NF1: variants seen among roughly 807,000 people sequenced by gnomAD.
NF1 encodes the protein neurofibromin 1, also known as neurofibromin.
A neutral mutation model predicts 325.7 loss-of-function variants in NF1; 122 were observed. The observed-to-expected ratio is 0.37, with a 90% CI of 0.32 to 0.44. NF1 has a LOEUF of 0.44. NF1 is among the 20% of genes least tolerant of loss of function. NF1 has a pLI of 1.00. For synonymous variants in NF1, 1,091 were observed against 1,186.0 expected (o/e 0.92, Z 1.65); for missense variants, 2,140 against 3,415.4 (o/e 0.63, Z 9.31).
intron 4 of NF1, among the ~76,000 whole-genome samples, chr17:31,165,086 A>G (rs971637228): frequency 2.0e-5 from 3 of 152,182 alleles, no homozygotes; most frequent in Non-Finnish European, 4.4e-5. Flanking sequence ...AAAAAACCCA[A>G]ATGTCTTGTA....
Position 31,349,221 on chromosome 17 carries a change from G to A in NF1, c.7291G>A (p.Val2431Met), listed in dbSNP as rs1597858560. 1 of 1,613,468 alleles carries A rather than the reference G, an allele frequency of 6.2e-7. No individual in the cohort carries two copies. The highest frequency in any genetic ancestry group is 8.5e-7 in the Non-Finnish European group (1 of 1,179,804). The change falls in exon 49 of 58, where the codon GTG (valine) becomes ATG (methionine). Residue 2431 changes from valine (V) to methionine (M), a missense_variant. Val to Met is a conservative substitution (Grantham distance 21). Coordinates refer to ENST00000358273, the MANE Select transcript of NF1 (RefSeq NM_001042492.3). ...ACACAGAAATTGTGACAAATTTGAAGTGAATACACAGAGCGTGGCCTACTT... is the reference window on the plus strand; with the variant it reads ...ACACAGAAATTGTGACAAATTTGAAATGAATACACAGAGCGTGGCCTACTT... ...NKHRNCDKFE[V>M]NTQSVAYLAA...
At chr17:31,327,873 G>A (rs2151542100) in intron 38 of NF1, 34 bp downstream of exon 38, 1 of 1,584,752 alleles carries the variant, frequency 6.3e-7, no homozygotes, top group Non-Finnish European at 8.7e-7. Context: ...AGTTTGATTT[G>A]GGGTTTGTTG....
At chr17:31,128,110 T>C (rs2143440570) in intron 1 of NF1, among the ~76,000 whole-genome samples, 1 of 151,340 alleles carries the variant, frequency 6.6e-6, no homozygotes, top group South Asian at 2.1e-4. Flanking sequence ...CCTGGCTGAT[T>C]TTTGTATTTT....
At chr17:31,212,300 G>T (rs2066742233) in intron 12 of NF1, among the ~76,000 whole-genome samples, 1 of 152,202 alleles carries the variant, frequency 6.6e-6, no homozygotes, top group South Asian at 2.1e-4. Flanking sequence ...AACGTGTGGA[G>T]CTGTCATCTC....
chr17:31,104,350 T>G, intron 1 of NF1, among the ~76,000 whole-genome samples: 1 of 151,978 alleles, frequency 6.6e-6, no homozygotes, highest in East Asian at 1.9e-4. Context: ...ATTTTGGAGG[T>G]GTGTGTGTAT....
At position 31,158,998 on chromosome 17, in the gene NF1, CT is replaced by C. The variant is rs2143645174; in HGVS notation, c.205-8del. ...AAACTAACTTTTATGTTCTGAATAT[CT>C]TTTCTGTTAGAGAATATTTGGAGAA... On this transcript the variant is annotated splice_polypyrimidine_tract_variant and intron_variant, in intron 2 of 57. Transcript: ENST00000358273. The C allele has an allele frequency of 6.7e-7, 1 of 1,503,394 alleles. No homozygotes were observed. Among genetic ancestry groups the C allele is most frequent in the Admixed American group, 1.7e-5 (1 of 59,772 alleles). The allele number at this position is 1,503,394 out of a possible 1,614,324, so 93.1% of individuals were successfully genotyped here.
At chr17:31,367,357 A>G (rs983711588) in intron 57 of NF1, 2 of 944,956 alleles carry the variant, frequency 2.1e-6, no homozygotes, top group Non-Finnish European at 3.0e-6. Context: ...ATGAGACTTT[A>G]CTCACCGGTC....
intron 15 of NF1, chr17:31,222,362 A>C: frequency 9.6e-7 from 1 of 1,036,776 alleles, no homozygotes; most frequent in Non-Finnish European, 1.2e-6. Flanking sequence ...AATAATGGAC[A>C]CCTGCTTAGA....
intron 1 of NF1, among the ~76,000 whole-genome samples, chr17:31,095,652 C>T (rs1447832340): frequency 6.6e-6 from 1 of 152,162 alleles, no homozygotes; most frequent in Non-Finnish European, 1.5e-5. Flanking sequence ...TATCCCAGCC[C>T]TTCCGCTTGG....
At chr17:31,220,098 C>CT (rs1303111147) in intron 14 of NF1, among the ~76,000 whole-genome samples, 4 of 152,112 alleles carry the variant, frequency 2.6e-5, no homozygotes, top group Admixed American at 2.6e-4. Context: ...CTCTGTCGAA[C>CT]TTTTGAGGAA....
chr17:31,325,601 G>A (rs577828254), intron 36 of NF1, among the ~76,000 whole-genome samples: 6 of 152,146 alleles, frequency 3.9e-5, no homozygotes, highest in East Asian at 3.9e-4. Flanking sequence ...TATTGTTGTC[G>A]TGGCTCAAAA....
chr17:31,323,938 T>C (rs2069278569), intron 36 of NF1, among the ~76,000 whole-genome samples: 1 of 152,234 alleles, frequency 6.6e-6, no homozygotes, highest in Non-Finnish European at 1.5e-5. Flanking sequence ...ATTTGTGTTG[T>C]TTTAAAATCA....
At chr17:31,372,895 AGTC>A (rs1351952058) in intron 57 of NF1, among the ~76,000 whole-genome samples, 9 of 152,276 alleles carry the variant, frequency 5.9e-5, no homozygotes, top group African/African-American at 2.2e-4. Flanking sequence ...ATGCACCTGT[AGTC>A]CTAGCTGTTT....
rs1283946778 is a variant in NF1, at chr17:31,357,288, C to G, written c.7889C>G (p.Thr2630Ser). ...LTVLATLVKY[T>S]TDEFDQRILY... The stretch of plus-strand genomic sequence containing the variant: ...TGGCAGGCTACACTGGTAAAATATA[C>G]CACAGATGAGTTTGATCAACGAATT... The change falls in exon 54 of 58, where the codon ACC becomes AGC. Residue 2630 changes from threonine to serine, a missense_variant. Around this residue, in one of 10 missense-constraint regions of NF1, gnomAD observed 522 missense variants for 749.0 expected, o/e 0.70. Coordinates refer to ENST00000358273, the MANE Select transcript of NF1 (RefSeq NM_001042492.3). 2 of 1,613,760 alleles carry G rather than the reference C, an allele frequency of 1.2e-6. No homozygotes were observed. The highest frequency in any genetic ancestry group is 2.7e-5 in the African/African-American group (2 of 74,896).
Position 31,229,273 on chromosome 17 carries a change from C to T in NF1, c.2658C>T (p.Asn886=), listed in dbSNP as rs781549970. ...TTTCAGTGATGTCTTCAGAGGGAAA[C>T]GCAGATACACCTGTCAGCAAATTTA... ...SMISVMSSEG[N]ADTPVSKFMD... The change falls in exon 21 of 58, where the codon AAC becomes AAT. Residue 886 remains asparagine (N), a synonymous_variant. Coordinates refer to ENST00000358273, the MANE Select transcript of NF1 (RefSeq NM_001042492.3). The T allele has an allele frequency of 1.4e-5, 23 of 1,613,472 alleles. No homozygotes were observed. The highest frequency in any genetic ancestry group is 1.8e-5 in the Non-Finnish European group (21 of 1,179,834).
At chr17:31,164,750 A>C (rs1289504350) in intron 4 of NF1, among the ~76,000 whole-genome samples, 2 of 152,194 alleles carry the variant, frequency 1.3e-5, no homozygotes, top group Non-Finnish European at 2.9e-5. Flanking sequence ...CATTTCTATA[A>C]TTAAGATCCT....
chr17:31,358,351 A>T, intron 54 of NF1, 129 bp from the exon 55 acceptor site: 1 of 918,086 alleles, frequency 1.1e-6, no homozygotes, highest in Non-Finnish European at 1.7e-6. Flanking sequence ...TGCCCCAGAA[A>T]GTAAAAAGCA....
chr17:31,296,413 G>A, intron 36 of NF1: 1 of 1,476,002 alleles, frequency 6.8e-7, no homozygotes, highest in Non-Finnish European at 9.5e-7. Flanking sequence ...GTTAGCATTA[G>A]GCAAAATTTT....
At chr17:31,260,610 C>T (rs766363070) in intron 34 of NF1, 95 bp downstream of exon 34, 384 of 1,353,068 alleles carry the variant, frequency 2.8e-4, no homozygotes, top group Non-Finnish European at 3.9e-4. Context: ...TACTTTGCAT[C>T]TTCTTGGACT....
Sources: gnomAD v4.1 joint callset for allele counts (sites outside exome capture counted in the v4.1 genomes callset) on GRCh38, gnomAD v4.1.1 for gene constraint, gnomAD v4.1.1 regional missense constraint, MANE v1.5 for transcripts, NCBI Gene and HGNC (gene_info 2026-07-23, HGNC 2026-07-21) for gene names.